The following PSORS1C1 variants were observed in gnomAD, a reference collection of about 807,000 sequenced individuals.
PSORS1C1 encodes the protein psoriasis susceptibility 1 candidate gene 1 protein.
In PSORS1C1, 7 loss-of-function variants were observed where a neutral mutation model predicts 9.4. That is an observed-to-expected ratio of 0.75 (90% CI 0.42 to 1.40). The LOEUF (loss-of-function observed/expected upper bound fraction) is 1.40, where lower values mean the gene tolerates loss of function less well. Ranked by LOEUF, PSORS1C1 falls within the 40% of genes most tolerant of loss-of-function variation. The pLI, the probability that PSORS1C1 is intolerant of heterozygous loss-of-function variation, is 0.01. For synonymous variants in PSORS1C1, 63 were observed against 69.4 expected (o/e 0.91, Z 0.46); for missense variants, 146 against 178.1 (o/e 0.82, Z 1.02).
At chr6:31,125,888 T>C (rs1045186248) in intron 2 of PSORS1C1, 49 bp downstream of exon 2, 1 of 152,278 alleles carries the variant, frequency 6.6e-6, no homozygotes, top group Admixed American at 6.5e-5. Flanking sequence ...CACTTGGTGA[T>C]ATTTTGAAAT....
chr6:31,120,362 G>T, intron 1 of PSORS1C1: 1 of 1,593,216 alleles, frequency 6.3e-7, no homozygotes, highest in Non-Finnish European at 8.5e-7. Flanking sequence ...GCCAGCAGCA[G>T]TGCCATCATC....
chr6:31,139,700 A>C lies in PSORS1C1; in HGVS notation c.227A>C (p.Asp76Ala), dbSNP rs1773349198. Reference sequence around the variant, plus strand: ...GAATTCCATCTGGCAGCCACCCAGGATGACTGCAGAAAAGGAAGGACACAG... The same window carrying C: ...GAATTCCATCTGGCAGCCACCCAGGCTGACTGCAGAAAAGGAAGGACACAG... ...SKEFHLAATQ[D>A]DCRKGRTQED... Residue 76 changes from aspartate (D) to alanine (A), a missense_variant, in exon 6 of 6, where the codon GAT becomes GCT. By Grantham distance (126) the Asp-to-Ala change is moderately radical. Coordinates refer to ENST00000259881, the MANE Select transcript of PSORS1C1 (RefSeq NM_014068.3). The surrounding 1 kb of genome is among the most constrained non-coding windows in gnomAD (Gnocchi z 5.2). The C allele has an allele frequency of 2.5e-6, 4 of 1,612,892 alleles. No homozygotes were observed. In the African/African-American group the frequency reaches 4.0e-5, roughly 16 times the overall value.
chr6:31,118,840 C>CTTT (rs199861968), intron 1 of PSORS1C1: 1 of 124,922 alleles, frequency 8.0e-6, no homozygotes, highest in African/African-American at 3.0e-5. Flanking sequence ...TTTTCTTCTT[C>CTTT]TTCTTTTTTT....
At chr6:31,122,497 T>G (rs1772505075) in intron 1 of PSORS1C1, among the ~76,000 whole-genome samples, 1 of 152,098 alleles carries the variant, frequency 6.6e-6, no homozygotes, top group African/African-American at 2.4e-5. Context: ...GCTGCTCGGC[T>G]GGGCACGGTG....
rs898524335 is a variant in PSORS1C1 at position 31,128,269 on chromosome 6, G to A, written c.-64-1300G>A. Among the ~76,000 whole-genome samples the A allele has an allele frequency of 6.6e-6, 1 of 151,386 alleles. No individual in the cohort carries two copies. Among genetic ancestry groups the A allele is most frequent in the Non-Finnish European group, 1.5e-5 (1 of 67,608 alleles). On this transcript the variant is annotated intron_variant, in intron 2 of 5. Transcript: ENST00000259881. This position sits in a 1 kb window ranked among gnomAD's most constrained non-coding sequence, Gnocchi z 4.3. ...GCAAAGGCTCTGGAGGAAAACACCT[G>A]AGAGGAGTCTCTAGGCTGCCCTCTG...
At chr6:31,126,159 C>T (rs1420104895) in intron 2 of PSORS1C1, among the ~76,000 whole-genome samples, 1 of 152,196 alleles carries the variant, frequency 6.6e-6, no homozygotes, top group South Asian at 2.1e-4. Flanking sequence ...TGTGTCCTGC[C>T]CTCATTCCTC....
At chr6:31,116,922 G>A (rs762559877) in intron 1 of PSORS1C1, 2 of 1,614,166 alleles carry the variant, frequency 1.2e-6, no homozygotes, top group South Asian at 2.2e-5. Context: ...GCGAGACGAT[G>A]GGCCCTCCAC....
In PSORS1C1 at chr6:31,130,419, T is replaced by TCA. The variant is rs1772857511; in HGVS notation, c.13+774_13+775insCA. Among the ~76,000 whole-genome samples, 6 of 12,334 alleles carry TCA rather than the reference T, an allele frequency of 4.9e-4. No individual in the cohort carries two copies. The African/African-American group carries it at 6.1e-3, about 13-fold the overall frequency. 8.1% of individuals were successfully genotyped at this position (12,334 alleles called of 152,430 possible). On this transcript the variant is annotated intron_variant, in intron 3 of 5. Transcript: ENST00000259881. ...TACCATGGCCTGGCTAATTGTTTGT[T>TCA]TTTTTTTTTTGAGATGGAGTCTCAC...
At chr6:31,132,651 A>G (rs1410441427) in intron 3 of PSORS1C1, among the ~76,000 whole-genome samples, 1 of 151,966 alleles carries the variant, frequency 6.6e-6, no homozygotes, top group Non-Finnish European at 1.5e-5. Flanking sequence ...GGAGTTCCAG[A>G]CCAGCCTGGG....
rs773400511 is a variant in PSORS1C1, at chr6:31,116,590, C to T, written c.-229+1699C>T. ...GTATTTGCCCTCAGAGATGGGGGGCCCAGCTGCAAAGGAAGGGACCCCTGG... is the reference window on the plus strand; with the variant it reads ...GTATTTGCCCTCAGAGATGGGGGGCTCAGCTGCAAAGGAAGGGACCCCTGG... On this transcript the variant is annotated intron_variant, in intron 1 of 5. Transcript: ENST00000259881. The T allele has an allele frequency of 2.5e-6, 4 of 1,613,514 alleles. No individual in the cohort carries two copies. The African/African-American group carries it at 5.3e-5, about 22-fold the overall frequency.
At chr6:31,134,963 C>T (rs1310277751) in intron 3 of PSORS1C1, among the ~76,000 whole-genome samples, 1 of 151,930 alleles carries the variant, frequency 6.6e-6, no homozygotes, top group Non-Finnish European at 1.5e-5. Flanking sequence ...ACTACAGGTG[C>T]GGGCCACCAC....
At chr6:31,129,210 T>C (rs1772804430) in intron 2 of PSORS1C1, among the ~76,000 whole-genome samples, 1 of 152,216 alleles carries the variant, frequency 6.6e-6, no homozygotes, top group Non-Finnish European at 1.5e-5. Flanking sequence ...AATAACTATC[T>C]GTCATGTCCA....
At chr6:31,117,165 G>A (rs2150957573) in intron 1 of PSORS1C1, 1 of 1,613,554 alleles carries the variant, frequency 6.2e-7, no homozygotes, top group South Asian at 1.1e-5. Flanking sequence ...GAGAGCTGCT[G>A]CTTCCCGAGT....
Position 31,128,732 on chromosome 6 carries a change from C to A in PSORS1C1, c.-64-837C>A, listed in dbSNP as rs995902475. On this transcript the variant is annotated intron_variant, in intron 2 of 5. Coordinates refer to ENST00000259881, the MANE Select transcript of PSORS1C1 (RefSeq NM_014068.3). This position sits in a 1 kb window ranked among gnomAD's most constrained non-coding sequence, Gnocchi z 4.3. ...AAGAGAGCTTAAGTTTATACCAAAGCGAGTCTTGGGTCTAATAATTTTGAA... is the reference window on the plus strand; with the variant it reads ...AAGAGAGCTTAAGTTTATACCAAAGAGAGTCTTGGGTCTAATAATTTTGAA... Among the ~76,000 whole-genome samples, 2 of 152,170 alleles carry A rather than the reference C, an allele frequency of 1.3e-5. No homozygotes were observed. The highest frequency in any genetic ancestry group is 4.8e-5 in the African/African-American group (2 of 41,428).
chr6:31,117,264 G>C, intron 1 of PSORS1C1: 2 of 1,608,870 alleles, frequency 1.2e-6, no homozygotes, highest in Non-Finnish European at 1.7e-6. Context: ...ATCCGGAGGA[G>C]TAGCTGACCT....
At position 31,128,165 on chromosome 6, in the gene PSORS1C1, G is replaced by A. The variant is rs113108526; in HGVS notation, c.-64-1404G>A. On this transcript the variant is annotated intron_variant, in intron 2 of 5. Transcript: ENST00000259881. The surrounding 1 kb of genome is among the most constrained non-coding windows in gnomAD (Gnocchi z 4.3). ...TCACATGCCTGGCTCACCTTAGAAC[G>A]GTCACCTTGACGGCTAAAGGGACAC... Among the ~76,000 whole-genome samples, 12,662 of 152,260 alleles carry A rather than the reference G, an allele frequency of 0.083. 642 individuals are homozygous for A. Among genetic ancestry groups the A allele is most frequent in the Middle Eastern group, 0.16 (48 of 294 alleles).
chr6:31,138,040 G>T, intron 3 of PSORS1C1: 1 of 1,529,234 alleles, frequency 6.5e-7, no homozygotes, highest in Non-Finnish European at 8.8e-7. Context: ...GGGTTTTCTG[G>T]GGGCTGGGGT....
intron 3 of PSORS1C1, among the ~76,000 whole-genome samples, chr6:31,130,788 T>A (rs1772879109): frequency 6.6e-6 from 1 of 152,070 alleles, no homozygotes; most frequent in Non-Finnish European, 1.5e-5. Context: ...GCTCAAGCGA[T>A]CCTCCTGCCT....
At chr6:31,120,170 G>A (rs1562756780) in intron 1 of PSORS1C1, among the ~76,000 whole-genome samples, 2 of 152,058 alleles carry the variant, frequency 1.3e-5, no homozygotes, top group Non-Finnish European at 2.9e-5. Context: ...TCAGAAACTG[G>A]GGCTCAGGAA....
Sources: allele counts gnomAD v4.1 joint callset (sites outside exome capture counted in the v4.1 genomes callset), GRCh38; gene constraint gnomAD v4.1.1; non-coding constraint Gnocchi (gnomAD v3.1); transcripts MANE v1.5; gene names NCBI Gene and HGNC (gene_info 2026-07-23, HGNC 2026-07-21).